The following DCDC2 variants were observed in gnomAD, a reference collection of about 807,000 sequenced individuals.
DCDC2 encodes the protein doublecortin domain-containing protein 2.
DCDC2 carries 40 observed loss-of-function variants against 50.2 expected under a neutral mutation model. The observed-to-expected ratio is 0.80, with a 90% CI of 0.62 to 1.04. DCDC2 has a LOEUF of 1.04. DCDC2 is among the 50% of genes least tolerant of loss of function. The pLI, the probability that DCDC2 is intolerant of heterozygous loss-of-function variation, is 0.00. For missense variants in DCDC2, 570 were observed against 581.9 expected (o/e 0.98, Z 0.21); for synonymous variants, 234 against 210.6 (o/e 1.11, Z -0.96).
intron 7 of DCDC2, among the ~76,000 whole-genome samples, chr6:24,209,866 T>C (rs1761818333): frequency 6.6e-6 from 1 of 152,190 alleles, no homozygotes; most frequent in African/African-American, 2.4e-5. Context: ...GGTCTCATCC[T>C]CACCCCCACA....
intron 8 of DCDC2, among the ~76,000 whole-genome samples, chr6:24,197,391 T>C (rs1377605587): frequency 6.6e-6 from 1 of 152,240 alleles, no homozygotes; most frequent in Admixed American, 6.5e-5. Flanking sequence ...GATTTTCTCT[T>C]AATATTTGAC....
intron 8 of DCDC2, among the ~76,000 whole-genome samples, chr6:24,182,277 A>G (rs1035806883): frequency 2.6e-5 from 4 of 152,346 alleles, no homozygotes; most frequent in South Asian, 2.1e-4. Flanking sequence ...ATATGACACT[A>G]AAGACACAGG....
chr6:24,365,242 A>G, the DCDC2 span, among the ~76,000 whole-genome samples: 2 of 152,148 alleles, frequency 1.3e-5, no homozygotes. Flanking sequence ...TGCCTAACAT[A>G]CCTTAATCCT....
intron 7 of DCDC2, among the ~76,000 whole-genome samples, chr6:24,275,959 G>A (rs371946644): frequency 5.7e-5 from 8 of 141,410 alleles, no homozygotes; most frequent in Non-Finnish European, 9.0e-5. Flanking sequence ...AGCCTCAGCC[G>A]CCTGGGCTCA....
chr6:24,196,753 T>C (rs1385580501), intron 8 of DCDC2, among the ~76,000 whole-genome samples: 2 of 152,138 alleles, frequency 1.3e-5, no homozygotes. Flanking sequence ...CAGGGTTGTT[T>C]TCATAATTAA....
intron 2 of DCDC2, among the ~76,000 whole-genome samples, chr6:24,304,783 G>C (rs1355706931): frequency 6.6e-6 from 1 of 152,106 alleles, no homozygotes; most frequent in East Asian, 1.9e-4. Context: ...TTTCAAATGG[G>C]TACTTACAAG....
intron 8 of DCDC2, 26 bp downstream of exon 8, chr6:24,204,976 C>T (rs1366028974): frequency 6.3e-7 from 1 of 1,594,248 alleles, no homozygotes. Context: ...TTGTCTTACA[C>T]ATATTTTTTA....
intron 2 of DCDC2, among the ~76,000 whole-genome samples, chr6:24,306,535 T>TAGAGAGAC (rs776918695): frequency 8.4e-6 from 1 of 119,146 alleles, no homozygotes; most frequent in African/African-American, 3.0e-5. Context: ...GATAGATAGA[T>TAGAGAGAC]AGATAGATAG....
At chr6:24,197,073 C>G (rs1761459214) in intron 8 of DCDC2, among the ~76,000 whole-genome samples, 1 of 152,128 alleles carries the variant, frequency 6.6e-6, no homozygotes, top group African/African-American at 2.4e-5. Context: ...AAGAAAGTAC[C>G]TTTGGTTACC....
At chr6:24,317,862 TA>T (rs533674010) in intron 2 of DCDC2, among the ~76,000 whole-genome samples, 1 of 151,782 alleles carries the variant, frequency 6.6e-6, no homozygotes, top group Non-Finnish European at 1.5e-5. Context: ...TTCATGTTTT[TA>T]AAAAAAATCT....
At chr6:24,279,145 C>T (rs1763418424) in intron 6 of DCDC2, among the ~76,000 whole-genome samples, 1 of 152,232 alleles carries the variant, frequency 6.6e-6, no homozygotes, top group Admixed American at 6.5e-5. Context: ...AGCCACATAG[C>T]AGCCACTACA....
intron 2 of DCDC2, among the ~76,000 whole-genome samples, chr6:24,347,317 G>A (rs1257485020): frequency 6.6e-6 from 1 of 152,124 alleles, no homozygotes; most frequent in African/African-American, 2.4e-5. Flanking sequence ...AGATTAGTAA[G>A]CTCCATGGAC....
At chr6:24,181,815 A>T (rs1761079243) in intron 8 of DCDC2, among the ~76,000 whole-genome samples, 1 of 152,220 alleles carries the variant, frequency 6.6e-6, no homozygotes, top group African/African-American at 2.4e-5. Flanking sequence ...AGAAAAACCC[A>T]TCCTATAAGT....
intron 7 of DCDC2, among the ~76,000 whole-genome samples, chr6:24,258,144 A>T (rs1581615945): frequency 6.6e-6 from 1 of 152,262 alleles, no homozygotes; most frequent in East Asian, 1.9e-4. Context: ...CTTCACAGTG[A>T]GTATTACAGC....
intron 2 of DCDC2, among the ~76,000 whole-genome samples, chr6:24,340,130 T>C (rs937239100): frequency 1.8e-4 from 28 of 152,172 alleles, no homozygotes; most frequent in Admixed American, 1.6e-3. Flanking sequence ...CTGTGCTCTC[T>C]CATCTGCAGA....
intron 5 of DCDC2, among the ~76,000 whole-genome samples, chr6:24,290,056 G>C (rs906093594): frequency 7.6e-6 from 1 of 131,152 alleles, no homozygotes; most frequent in East Asian, 2.3e-4. Context: ...TGCAGTGGCG[G>C]GATCTCAGCT....
At chr6:24,278,358 T>TTGGAGTTAATGTATA in intron 6 of DCDC2, 147 bp from the exon 7 acceptor site, 1 of 623,684 alleles carries the variant, frequency 1.6e-6, no homozygotes, top group Non-Finnish European at 2.6e-6. Context: ...CTTTATACAT[T>TTGGAGTTAATGTATA]AACTCCAAAT....
At chr6:24,269,694 G>A (rs1379294664) in intron 7 of DCDC2, among the ~76,000 whole-genome samples, 2 of 152,078 alleles carry the variant, frequency 1.3e-5, no homozygotes, top group African/African-American at 4.8e-5. Context: ...GGGTTGCAGA[G>A]CTTAAGTCCT....
chr6:24,301,496 T>A (rs1021808745), intron 4 of DCDC2, among the ~76,000 whole-genome samples: 5 of 152,058 alleles, frequency 3.3e-5, no homozygotes, highest in African/African-American at 4.8e-5. Context: ...GTAGATGTGC[T>A]ACTATGTGCC....
Sources: gnomAD v4.1 joint callset for allele counts (sites outside exome capture counted in the v4.1 genomes callset) on GRCh38, gnomAD v4.1.1 for gene constraint, MANE v1.5 for transcripts, NCBI Gene and HGNC (gene_info 2026-07-23, HGNC 2026-07-21) for gene names.